SLC14A2: variants seen among roughly 807,000 people sequenced by gnomAD.
SLC14A2 encodes urea transporter 2.
SLC14A2 carries 91 observed loss-of-function variants against 104.6 expected under a neutral mutation model. The observed-to-expected ratio is 0.87, with a 90% CI of 0.73 to 1.04. The LOEUF (loss-of-function observed/expected upper bound fraction) is 1.04. SLC14A2 is among the 50% of genes least tolerant of loss of function. The pLI, the probability that SLC14A2 is intolerant of heterozygous loss-of-function variation, is 0.00. For missense variants in SLC14A2, 1,189 were observed against 1,156.0 expected, an observed-to-expected ratio of 1.03 and a Z score of -0.41; for synonymous variants, 476 against 466.4, an observed-to-expected ratio of 1.02 and a Z score of -0.27.
chr18:45,287,877 A>G (rs970076570), intron 1 of SLC14A2, among the ~76,000 whole-genome samples: 4 of 152,086 alleles, frequency 2.6e-5, no homozygotes, highest in African/African-American at 9.7e-5. Context: ...GACCTACACT[A>G]GCACAGCCAG....
chr18:45,589,864 G>GA (rs1257461598), intron 2 of SLC14A2, among the ~76,000 whole-genome samples: 2 of 152,222 alleles, frequency 1.3e-5, no homozygotes, highest in Non-Finnish European at 2.9e-5. Context: ...CGCTATTGAA[G>GA]AAAGAATGCA....
chr18:45,355,431 A>T (rs1004706308), intron 1 of SLC14A2, among the ~76,000 whole-genome samples: 1 of 152,026 alleles, frequency 6.6e-6, no homozygotes. Flanking sequence ...TTAAAAAATT[A>T]GCCAGGCATG....
intron 1 of SLC14A2, among the ~76,000 whole-genome samples, chr18:45,623,823 A>G (rs572772150): frequency 6.6e-6 from 1 of 152,306 alleles, no homozygotes; most frequent in South Asian, 2.1e-4. Flanking sequence ...AGGAGACCGC[A>G]TGCAGGTCCA....
At chr18:45,219,394 A>G (rs546222011) in intron 1 of SLC14A2, among the ~76,000 whole-genome samples, 1 of 152,232 alleles carries the variant, frequency 6.6e-6, no homozygotes, top group Non-Finnish European at 1.5e-5. Context: ...TGGAGCAAGT[A>G]ATAAGTGAAG....
chr18:45,583,950 T>G (rs1428718733), intron 2 of SLC14A2, among the ~76,000 whole-genome samples: 1 of 152,238 alleles, frequency 6.6e-6, no homozygotes, highest in Non-Finnish European at 1.5e-5. Flanking sequence ...ACATTAAAAA[T>G]TGTAAAAAGA....
At chr18:45,576,271 G>A (rs1465295238) in intron 2 of SLC14A2, among the ~76,000 whole-genome samples, 1 of 95,996 alleles carries the variant, frequency 1.0e-5, no homozygotes, top group Non-Finnish European at 2.3e-5. Flanking sequence ...TGGAGCAGGG[G>A]CTTTTTTTTT....
intron 1 of SLC14A2, among the ~76,000 whole-genome samples, chr18:45,384,360 C>A (rs566113780): frequency 6.6e-6 from 1 of 152,134 alleles, no homozygotes; most frequent in Non-Finnish European, 1.5e-5. Flanking sequence ...GTCTGGGAAT[C>A]CATGAACAAA....
chr18:45,315,888 C>T (rs1294592523), intron 1 of SLC14A2, among the ~76,000 whole-genome samples: 1 of 152,214 alleles, frequency 6.6e-6, no homozygotes, highest in Non-Finnish European at 1.5e-5. Context: ...AGCCATATTC[C>T]ATTGCTCCTT....
At chr18:45,224,606 G>A (rs1385763636) in intron 1 of SLC14A2, among the ~76,000 whole-genome samples, 2 of 151,952 alleles carry the variant, frequency 1.3e-5, no homozygotes, top group African/African-American at 2.4e-5. Context: ...GAAAACCAGT[G>A]CTATTTGACA....
At chr18:45,259,397 A>G (rs1453249710) in intron 1 of SLC14A2, among the ~76,000 whole-genome samples, 2 of 152,210 alleles carry the variant, frequency 1.3e-5, no homozygotes, top group African/African-American at 2.4e-5. Flanking sequence ...GTCTGGAAAA[A>G]TGAAAGGAGT....
the SLC14A2 span, among the ~76,000 whole-genome samples, chr18:45,196,488 G>A: frequency 1.3e-5 from 2 of 152,206 alleles, no homozygotes; most frequent in Non-Finnish European, 2.9e-5. Context: ...GTAAGGTAAG[G>A]TTTACAGCTG....
intron 19 of SLC14A2, among the ~76,000 whole-genome samples, chr18:45,679,691 G>T (rs550888879): frequency 6.6e-6 from 1 of 152,330 alleles, no homozygotes; most frequent in South Asian, 2.1e-4. Flanking sequence ...TAAGGAGGGA[G>T]TGGGCATTCT....
rs987473158 is a variant in SLC14A2 at position 45,453,139 on chromosome 18, A to T, written c.-124-30094A>T. Among the ~76,000 whole-genome samples the T allele has an allele frequency of 5.9e-5, 9 of 152,252 alleles. No individual in the cohort carries two copies. The East Asian group carries it at 1.7e-3, about 29-fold the overall frequency. On this transcript the variant is annotated intron_variant, in intron 1 of 20. Coordinates refer to the SLC14A2 transcript ENST00000586448. Reference sequence around the variant, plus strand: ...GATATCTTCTGCTTTTTCACTTGGAAATTCAGACCCACCTACTCAGCTTCA... The same window carrying T: ...GATATCTTCTGCTTTTTCACTTGGATATTCAGACCCACCTACTCAGCTTCA...
intron 1 of SLC14A2, among the ~76,000 whole-genome samples, chr18:45,257,940 A>C (rs1363499153): frequency 1.3e-5 from 2 of 152,212 alleles, no homozygotes; most frequent in Non-Finnish European, 2.9e-5. Flanking sequence ...CACAAGGACT[A>C]TTGCTCCCAA....
intron 1 of SLC14A2, among the ~76,000 whole-genome samples, chr18:45,437,160 A>G (rs1385663814): frequency 6.6e-6 from 1 of 151,860 alleles, no homozygotes; most frequent in East Asian, 1.9e-4. Context: ...TCATCTTTCC[A>G]TTTCTCTCCG....
chr18:45,272,086 G>T (rs1457687241), intron 1 of SLC14A2, among the ~76,000 whole-genome samples: 1 of 151,910 alleles, frequency 6.6e-6, no homozygotes, highest in African/African-American at 2.4e-5. Flanking sequence ...TGGGAAAACT[G>T]AATAGCCATA....
At chr18:45,352,282 C>T (rs2085510972) in intron 1 of SLC14A2, among the ~76,000 whole-genome samples, 1 of 152,138 alleles carries the variant, frequency 6.6e-6, no homozygotes, top group Non-Finnish European at 1.5e-5. Context: ...ATGACACACA[C>T]ACAACCTGTA....
chr18:45,333,781 C>A (rs112442584), intron 1 of SLC14A2, among the ~76,000 whole-genome samples: 2 of 152,196 alleles, frequency 1.3e-5, no homozygotes, highest in African/African-American at 4.8e-5. Context: ...GCAAGAGGAT[C>A]TTGACTCCAT....
At chr18:45,455,089 ATGGGCAGTATGGCCATT>A (rs2086920280) in intron 1 of SLC14A2, among the ~76,000 whole-genome samples, 1 of 152,158 alleles carries the variant, frequency 6.6e-6, no homozygotes, top group Non-Finnish European at 1.5e-5. Context: ...GTAAATTACT[ATGGGCAGTATGGCCATT>A]TTCACAATAT....
Sources: gnomAD v4.1 joint callset for allele counts (sites outside exome capture counted in the v4.1 genomes callset) on GRCh38, gnomAD v4.1.1 for gene constraint, MANE v1.5 for transcripts, NCBI Gene and HGNC (gene_info 2026-07-23, HGNC 2026-07-21) for gene names.